The following USP47 variants were observed in gnomAD, a reference collection of about 807,000 sequenced individuals.
USP47 encodes the protein ubiquitin carboxyl-terminal hydrolase 47.
In USP47, 35 loss-of-function variants were observed where a neutral mutation model predicts 165.1. That is an observed-to-expected ratio of 0.21 (90% CI 0.16 to 0.28). USP47 has a LOEUF of 0.28. Ranked by LOEUF, USP47 falls within the 10% of genes least tolerant of loss-of-function variation. USP47 has a pLI of 1.00. For synonymous variants in USP47, 531 were observed against 544.5 expected (o/e 0.98, Z 0.35); for missense variants, 1,277 against 1,607.4 (o/e 0.79, Z 3.52).
intron 24 of USP47, among the ~76,000 whole-genome samples, 180 bp downstream of exon 24, chr11:11,950,662 A>C (rs1856160750): frequency 6.6e-6 from 1 of 152,160 alleles, no homozygotes; most frequent in Non-Finnish European, 1.5e-5. Flanking sequence ...CCTACGTCTT[A>C]TCCTTGGGAG....
At position 11,903,250 on chromosome 11, in the gene USP47, T is replaced by C. The variant is rs1852342469; in HGVS notation, c.740-13T>C. The C allele has an allele frequency of 6.2e-7, 1 of 1,603,210 alleles. No homozygotes were observed. ...TTTATAGCTATTTCTAATTGAATTTTATCTTAAAACAGCTTGGCAGCAGCA... is the reference window on the plus strand; with the variant it reads ...TTTATAGCTATTTCTAATTGAATTTCATCTTAAAACAGCTTGGCAGCAGCA... On this transcript the variant is annotated splice_polypyrimidine_tract_variant and intron_variant, in intron 6 of 27. Coordinates refer to ENST00000527733, the MANE Select transcript of USP47 (RefSeq NM_001282659.2).
intron 5 of USP47, among the ~76,000 whole-genome samples, chr11:11,902,434 G>C (rs1027832084): frequency 6.6e-6 from 1 of 152,168 alleles, no homozygotes; most frequent in Non-Finnish European, 1.5e-5. Context: ...GTTATGGTCA[G>C]ATTCAGGTTC....
Position 11,942,909 on chromosome 11 carries a change from A to G in USP47, c.2888A>G (p.Asn963Ser). Residue 963 changes from asparagine to serine, a missense_variant, in exon 20 of 28, where the codon AAT becomes AGT. By Grantham distance (46) the Asn-to-Ser change is conservative. This residue lies in a region of USP47 where 909 missense variants were observed against 1,068.1 expected (regional missense o/e 0.85). Transcript: ENST00000527733. ...GACAATGCTCAGATCCCTTTGGCTA[A>G]TGGACTTGACTCTCACAGTATCACA... is the stretch of plus-strand genomic sequence containing the variant. ...NADNAQIPLA[N>S]GLDSHSITSS... 6.2e-7 allele frequency: 1 copy of G among 1,613,686 alleles called. No homozygotes were observed. Among genetic ancestry groups the G allele is most frequent in the Non-Finnish European group, 8.5e-7 (1 of 1,179,730 alleles).
chr11:11,932,643 C>G (rs1469697674), intron 14 of USP47, among the ~76,000 whole-genome samples: 8 of 151,956 alleles, frequency 5.3e-5, no homozygotes. Flanking sequence ...GTAAACTTGC[C>G]CAAGGTCACA....
At chr11:11,861,589 A>G (rs935818547) in intron 1 of USP47, among the ~76,000 whole-genome samples, 7 of 152,174 alleles carry the variant, frequency 4.6e-5, no homozygotes, top group Non-Finnish European at 8.8e-5. Flanking sequence ...ACTAAAAATA[A>G]ATTACATAGG....
chr11:11,920,292 A>G (rs1204614935), intron 9 of USP47, 41 bp downstream of exon 9: 1 of 1,605,932 alleles, frequency 6.2e-7, no homozygotes, highest in Non-Finnish European at 8.5e-7. Flanking sequence ...AATCTGAGAT[A>G]ATATTCCATA....
intron 5 of USP47, among the ~76,000 whole-genome samples, chr11:11,902,439 A>T (rs1296993968): frequency 1.3e-5 from 2 of 152,172 alleles, no homozygotes; most frequent in Non-Finnish European, 2.9e-5. Flanking sequence ...GGTCAGATTC[A>T]GGTTCCACAG....
At chr11:11,912,651 AAAGG>A (rs1229900840) in intron 8 of USP47, among the ~76,000 whole-genome samples, 4 of 152,060 alleles carry the variant, frequency 2.6e-5, no homozygotes, top group African/African-American at 7.2e-5. Flanking sequence ...AAAAAAAAAG[AAAGG>A]AAGAGGAGGA....
At chr11:11,939,482 T>C (rs1230153063) in intron 18 of USP47, among the ~76,000 whole-genome samples, 5 of 152,092 alleles carry the variant, frequency 3.3e-5, no homozygotes, top group Non-Finnish European at 7.4e-5. Flanking sequence ...AAAAAGTCTA[T>C]ATTTTGACTT....
intron 19 of USP47, among the ~76,000 whole-genome samples, chr11:11,941,717 A>T (rs889327622): frequency 1.3e-5 from 2 of 152,038 alleles, no homozygotes; most frequent in Non-Finnish European, 2.9e-5. Flanking sequence ...GAACTCTTTT[A>T]AAAAAATGAC....
At chr11:11,877,803 CTCTGTGTGTGTGTGTGTGTGTGTG>C (rs1164643188) in intron 1 of USP47, among the ~76,000 whole-genome samples, 4 of 42,958 alleles carry the variant, frequency 9.3e-5, no homozygotes, top group African/African-American at 3.2e-4. Flanking sequence ...CTCTCTCTCT[CTCTGTGTGTGTGTGTGTGTGTGTG>C]TGTGTGTGTG....
In USP47 at chr11:11,960,003, A is replaced by T. The variant is rs116410774; in HGVS notation, c.*3828A>T. On this transcript the variant is annotated 3_prime_UTR_variant, in exon 28 of 28. Coordinates refer to ENST00000527733, the MANE Select transcript of USP47 (RefSeq NM_001282659.2). ...TAATTTATGGAGATAAAAATACTCA[A>T]TGCTTACATTTTTTTCATAACTGTG... 4.9e-3 allele frequency among the ~76,000 whole-genome samples: 750 copies of T among 152,308 alleles called. 10 individuals are homozygous for T. The highest frequency in any genetic ancestry group is 0.017 in the African/African-American group (719 of 41,576).
Position 11,956,250 on chromosome 11 carries a change from T to C in USP47, c.*75T>C. 6 of 1,545,838 alleles carry C rather than the reference T, an allele frequency of 3.9e-6. No homozygotes were observed. In the South Asian group the frequency reaches 5.9e-5, roughly 15 times the overall value. ...GGTTCACTACCACTGGGTAGTGCCA[T>C]TTTGGCCGGACATGGTTGGGGTAAC... On this transcript the variant is annotated 3_prime_UTR_variant, in exon 28 of 28. Coordinates refer to ENST00000527733, the MANE Select transcript of USP47 (RefSeq NM_001282659.2).
chr11:11,946,868 A>G (rs1372129812), intron 20 of USP47, among the ~76,000 whole-genome samples: 3 of 152,216 alleles, frequency 2.0e-5, no homozygotes, highest in Non-Finnish European at 4.4e-5. Flanking sequence ...TAATGAGCCT[A>G]TATTTTATAG....
chr11:11,881,201 G>T (rs778890463), intron 2 of USP47, among the ~76,000 whole-genome samples: 1 of 152,044 alleles, frequency 6.6e-6, no homozygotes, highest in African/African-American at 2.4e-5. Context: ...GTGGAAAAAG[G>T]GTGAGACGTG....
chr11:11,920,062 T>G, intron 8 of USP47, 94 bp from the exon 9 acceptor site: 4 of 942,962 alleles, frequency 4.2e-6, no homozygotes, highest in Non-Finnish European at 5.8e-6. Context: ...ACCATTCTAC[T>G]TATAACTTTT....
At chr11:11,870,671 T>A (rs1038752023) in intron 1 of USP47, among the ~76,000 whole-genome samples, 1 of 152,202 alleles carries the variant, frequency 6.6e-6, no homozygotes, top group African/African-American at 2.4e-5. Flanking sequence ...GGTTATTTTT[T>A]GTAAGCACCT....
chr11:11,869,228 A>G (rs1849875644), intron 1 of USP47, among the ~76,000 whole-genome samples: 1 of 152,076 alleles, frequency 6.6e-6, no homozygotes, highest in Non-Finnish European at 1.5e-5. Context: ...GTGTTTTCCT[A>G]AAGGTTTTAT....
At chr11:11,922,620 A>T (rs1853914680) in intron 10 of USP47, 104 bp from the exon 11 acceptor site, 8 of 828,808 alleles carry the variant, frequency 9.7e-6, no homozygotes, top group Non-Finnish European at 1.3e-5. Flanking sequence ...TTTTACTAAT[A>T]TGTTAAATTG....
Sources: gnomAD v4.1 joint callset for allele counts (sites outside exome capture counted in the v4.1 genomes callset) on GRCh38, gnomAD v4.1.1 for gene constraint, gnomAD v4.1.1 regional missense constraint, MANE v1.5 for transcripts, NCBI Gene and HGNC (gene_info 2026-07-23, HGNC 2026-07-21) for gene names.